The following NR2C1 variants were observed in gnomAD, a reference collection of about 807,000 sequenced individuals.
NR2C1 encodes TR2 nuclear hormone receptor.
In NR2C1, 33 loss-of-function variants were observed where a neutral mutation model predicts 74.8. The ratio of observed to expected loss-of-function variants is 0.44; its 90% CI spans 0.33 to 0.59. The LOEUF is 0.59. Ranked by LOEUF, NR2C1 falls within the 20% of genes least tolerant of loss-of-function variation. The pLI is 0.02. For missense variants in NR2C1, 568 were observed against 715.6 expected (o/e 0.79, Z 2.35); for synonymous variants, 225 against 240.6 (o/e 0.94, Z 0.60).
chr12:95,048,599 ATT>A (rs2136147748), intron 9 of NR2C1, among the ~76,000 whole-genome samples: 1 of 146,148 alleles, frequency 6.8e-6, no homozygotes, highest in South Asian at 2.2e-4. Flanking sequence ...GCCTAAAGAC[ATT>A]TTGTTTCTAT....
intron 2 of NR2C1, among the ~76,000 whole-genome samples, chr12:95,064,449 T>C (rs1389775639): frequency 6.6e-6 from 1 of 151,944 alleles, no homozygotes; most frequent in East Asian, 1.9e-4. Context: ...AGGAACAGGG[T>C]AGCAGCCATG....
At chr12:95,023,822 A>G (rs1869034275) in intron 13 of NR2C1, among the ~76,000 whole-genome samples, 1 of 152,208 alleles carries the variant, frequency 6.6e-6, no homozygotes, top group African/African-American at 2.4e-5. Context: ...AAATTTAAAT[A>G]CTGTATTTAT....
Position 95,022,256 on chromosome 12 carries a change from G to A in NR2C1, c.1785C>T (p.Asn595=). The A allele has an allele frequency of 6.2e-7, 1 of 1,611,952 alleles. No individual in the cohort carries two copies. Among genetic ancestry groups the A allele is most frequent in the Non-Finnish European group, 8.5e-7 (1 of 1,179,546 alleles). ...HILKMEPADY[N]SQIIGHSI is the part of the protein sequence containing the mutation. ...AAATGCTGTGACCAATTATTTGAGA[G>A]TTATAATCTGCAGGCTCCATTTTCA... Residue 595 remains asparagine, a synonymous_variant, in exon 14 of 14, where the codon AAC becomes AAT. Transcript: ENST00000333003.
At chr12:95,054,233 C>T (rs1873498528) in intron 7 of NR2C1, among the ~76,000 whole-genome samples, 1 of 151,870 alleles carries the variant, frequency 6.6e-6, no homozygotes, top group South Asian at 2.1e-4. Context: ...ATCATCATTC[C>T]TCTATTGCTA....
At chr12:95,046,255 C>G (rs1017263472) in intron 9 of NR2C1, among the ~76,000 whole-genome samples, 1 of 152,214 alleles carries the variant, frequency 6.6e-6, no homozygotes, top group Non-Finnish European at 1.5e-5. Context: ...CACTAAACAT[C>G]TCTACATCTC....
intron 1 of NR2C1, among the ~76,000 whole-genome samples, chr12:95,070,231 A>G (rs577694253): frequency 9.3e-4 from 142 of 152,252 alleles, no homozygotes; most frequent in African/African-American, 3.3e-3. Context: ...TCCCAGGTTC[A>G]AGCAATTCTC....
At chr12:95,056,883 C>T (rs1175293036) in intron 7 of NR2C1, among the ~76,000 whole-genome samples, 2 of 148,636 alleles carry the variant, frequency 1.3e-5, no homozygotes, top group Non-Finnish European at 3.0e-5. Flanking sequence ...GGCGGGAACC[C>T]GGGAAGCGGA....
chr12:95,027,938 G>A (rs1345502896), intron 12 of NR2C1, among the ~76,000 whole-genome samples: 1 of 151,982 alleles, frequency 6.6e-6, no homozygotes, highest in Admixed American at 6.6e-5. Flanking sequence ...TACCTATTTT[G>A]CGTATTTTAT....
chr12:95,064,356 A>G (rs992815788), intron 2 of NR2C1, among the ~76,000 whole-genome samples: 30 of 151,054 alleles, frequency 2.0e-4, no homozygotes, highest in Non-Finnish European at 4.4e-5. Flanking sequence ...AAAGTTCAGA[A>G]GTAAAATTAA....
rs1432501229 is a variant in NR2C1 at position 95,057,800 on chromosome 12, T to C, written c.623A>G (p.Tyr208Cys). 1.9e-6 allele frequency: 3 copies of C among 1,614,042 alleles called. No individual in the cohort carries two copies. Among genetic ancestry groups the C allele is most frequent in the East Asian group, 2.2e-5 (1 of 44,884 alleles). Residue 208 changes from tyrosine to cysteine, a missense_variant, in exon 6 of 14, where the codon TAT becomes TGT. By Grantham distance (194) the Tyr-to-Cys change is radical (BLOSUM62 -2). Transcript: ENST00000333003. Reference sequence around the variant, plus strand: ...TGGGCTACGAAGGTCCTTTCGGATATAGATTTTTTCTGTTGAAGCGGCACA... The same window carrying C: ...TGGGCTACGAAGGTCCTTTCGGATACAGATTTTTTCTGTTGAAGCGGCACA... ...SNCAASTEKIYIRKDLRSPLT... is the reference protein window; with the variant it reads ...SNCAASTEKICIRKDLRSPLT...
At chr12:95,071,749 CTT>C (rs780957499) in intron 1 of NR2C1, among the ~76,000 whole-genome samples, 16 of 141,506 alleles carry the variant, frequency 1.1e-4, no homozygotes, top group African/African-American at 7.7e-5. Flanking sequence ...ATAAAACCCA[CTT>C]TTTTTTTTTT....
In NR2C1 at chr12:95,040,504, G is replaced by T; in HGVS notation, c.1225C>A (p.Leu409Ile). ...AGAGCCTGGAAAGAAGGAATCGAAA[G>T]TGCCCAGTGCATTGATAAGAACAGC... The part of the protein sequence containing the change: ...RLLFLSMHWA[L>I]SIPSFQALGQ... Residue 409 changes from leucine (L) to isoleucine (I), a missense_variant, in exon 10 of 14, where the codon CTT becomes ATT. By Grantham distance (5) the Leu-to-Ile change is conservative (BLOSUM62 2). This residue lies in a region of NR2C1 where 39 missense variants were observed against 64.6 expected (regional missense o/e 0.60). Transcript: ENST00000333003. 6.2e-7 allele frequency: 1 copy of T among 1,613,776 alleles called. No individual in the cohort carries two copies.
chr12:95,043,853 C>T (rs1871937736), intron 9 of NR2C1, among the ~76,000 whole-genome samples: 1 of 152,064 alleles, frequency 6.6e-6, no homozygotes. Flanking sequence ...AAATAGTTTA[C>T]AACACACACT....
chr12:95,028,554 G>T, intron 11 of NR2C1, 30 bp from the exon 12 acceptor site: 2 of 1,388,130 alleles, frequency 1.4e-6, no homozygotes, highest in Non-Finnish European at 2.0e-6. Flanking sequence ...AATGCTTCTA[G>T]TGTTTGTCTA....
intron 2 of NR2C1, among the ~76,000 whole-genome samples, chr12:95,064,184 C>T (rs1271249957): frequency 1.3e-5 from 2 of 151,536 alleles, no homozygotes; most frequent in Admixed American, 6.6e-5. Context: ...AAAAAATTAG[C>T]TGGGCATGGT....
At chr12:95,070,203 C>T (rs762996618) in intron 1 of NR2C1, among the ~76,000 whole-genome samples, 12 of 152,150 alleles carry the variant, frequency 7.9e-5, no homozygotes, top group Non-Finnish European at 1.5e-4. Flanking sequence ...GCAATCTCGG[C>T]TCACTACAAC....
intron 2 of NR2C1, among the ~76,000 whole-genome samples, chr12:95,064,186 G>A (rs1220547442): frequency 2.0e-5 from 3 of 151,596 alleles, no homozygotes. Context: ...AAAATTAGCT[G>A]GGCATGGTGG....
Position 95,062,660 on chromosome 12 carries a change from TG to T in NR2C1, c.132del (p.Phe44LeufsTer3), listed in dbSNP as rs2136190896. ...ALDHNTQGKQ[F>X]ILTNHDGSTP... The stretch of plus-strand genomic sequence containing the variant: ...GTAGAGCCGTCGTGATTTGTCAGAA[TG>T]AACTGCTTGCCTTGGGTATTATGAT... On this transcript the variant is annotated frameshift_variant, in exon 3 of 14. Coordinates refer to ENST00000333003, the MANE Select transcript of NR2C1 (RefSeq NM_003297.4). LOFTEE classifies it high-confidence loss of function. 1 of 1,614,194 alleles carries T rather than the reference TG, an allele frequency of 6.2e-7. No individual in the cohort carries two copies. The highest frequency in any genetic ancestry group is 2.2e-5 in the East Asian group (1 of 44,880).
chr12:95,060,062 A>T (rs1274732124), intron 3 of NR2C1, 78 bp from the exon 4 acceptor site: 5 of 1,123,602 alleles, frequency 4.4e-6, no homozygotes, highest in Non-Finnish European at 6.2e-6. Flanking sequence ...TATTAAAAAA[A>T]TTAAAGAACA....
Sources: allele counts gnomAD v4.1 joint callset (sites outside exome capture counted in the v4.1 genomes callset), GRCh38; gene constraint gnomAD v4.1.1; regional missense constraint gnomAD v4.1.1; transcripts MANE v1.5; gene names NCBI Gene and HGNC (gene_info 2026-07-23, HGNC 2026-07-21).